DLG2: variants seen among roughly 807,000 people sequenced by gnomAD.
DLG2 encodes the protein disks large homolog 2.
Under a neutral mutation model 132.5 loss-of-function variants are expected in DLG2, and 45 were observed. The ratio of observed to expected loss-of-function variants is 0.34; its 90% CI spans 0.27 to 0.44. DLG2 has a LOEUF of 0.44. Ranked by LOEUF, DLG2 falls within the 20% of genes least tolerant of loss-of-function variation. DLG2 has a pLI of 1.00. For synonymous variants in DLG2, 424 were observed against 419.6 expected, an observed-to-expected ratio of 1.01 and a Z score of -0.13; for missense variants, 1,045 against 1,196.9, an observed-to-expected ratio of 0.87 and a Z score of 1.87.
chr11:84,624,186 T>G (rs1340877853), intron 6 of DLG2, among the ~76,000 whole-genome samples: 1 of 152,200 alleles, frequency 6.6e-6, no homozygotes, highest in Non-Finnish European at 1.5e-5. Context: ...TTTGTTTTTG[T>G]TTTTTCAAAG....
At chr11:85,434,553 C>A (rs1001373702) in intron 3 of DLG2, among the ~76,000 whole-genome samples, 1 of 152,154 alleles carries the variant, frequency 6.6e-6, no homozygotes, top group Non-Finnish European at 1.5e-5. Flanking sequence ...CACCTCTATG[C>A]AAATAAACTA....
At chr11:83,817,614 C>A (rs1193442577) in intron 17 of DLG2, among the ~76,000 whole-genome samples, 4 of 152,102 alleles carry the variant, frequency 2.6e-5, no homozygotes, top group African/African-American at 9.7e-5. Flanking sequence ...GTGGTTCACA[C>A]CTGTGATCCC....
At chr11:85,440,535 A>C (rs1478621716) in intron 3 of DLG2, among the ~76,000 whole-genome samples, 2 of 152,218 alleles carry the variant, frequency 1.3e-5, no homozygotes, top group Admixed American at 6.5e-5. Context: ...TTTAGAGTAC[A>C]GAAGCTTTGC....
At chr11:84,001,724 A>C (rs2094356396) in intron 11 of DLG2, among the ~76,000 whole-genome samples, 1 of 152,174 alleles carries the variant, frequency 6.6e-6, no homozygotes, top group Admixed American at 6.5e-5. Context: ...TTAAAAAATC[A>C]AAATCTTATT....
chr11:85,350,729 T>C (rs2083223364), intron 3 of DLG2, among the ~76,000 whole-genome samples: 1 of 152,124 alleles, frequency 6.6e-6, no homozygotes, highest in East Asian at 1.9e-4. Flanking sequence ...AGATGTGTGG[T>C]ATTATTTCTG....
chr11:85,335,573 T>C (rs1001623184), intron 3 of DLG2, among the ~76,000 whole-genome samples: 8 of 96,502 alleles, frequency 8.3e-5, no homozygotes, highest in African/African-American at 3.3e-4. Context: ...CATGTTTAGC[T>C]CTCCTTTAAG....
chr11:84,101,955 T>C (rs2092561921), intron 9 of DLG2, among the ~76,000 whole-genome samples: 1 of 152,158 alleles, frequency 6.6e-6, no homozygotes, highest in Admixed American at 6.6e-5. Flanking sequence ...CTTCACACTT[T>C]ACCCCCCAGG....
chr11:84,502,578 A>G (rs995971343), intron 7 of DLG2, among the ~76,000 whole-genome samples: 1 of 150,946 alleles, frequency 6.6e-6, no homozygotes, highest in Non-Finnish European at 1.5e-5. Context: ...TGTATTTTTT[A>G]GTAGAGATGG....
In DLG2 at chr11:83,796,677, C is replaced by T. The variant is rs114037388; in HGVS notation, c.1723-9885G>A. Among the ~76,000 whole-genome samples the T allele has an allele frequency of 6.1e-3, 929 of 152,220 alleles. 9 individuals carry two copies. Among genetic ancestry groups the T allele is most frequent in the African/African-American group, 0.022 (906 of 41,518 alleles). On this transcript the variant is annotated intron_variant, in intron 17 of 27. Transcript: ENST00000376104. ...TCAAATATGGCAATATGGATGCTTA[C>T]CCTATGGTTCACTGTACTATCTTTT...
intron 3 of DLG2, among the ~76,000 whole-genome samples, chr11:85,410,817 C>T (rs2089244212): frequency 6.6e-6 from 1 of 151,748 alleles, no homozygotes; most frequent in African/African-American, 2.4e-5. Flanking sequence ...TCTGTATTAA[C>T]AGATTTGCAC....
intron 6 of DLG2, among the ~76,000 whole-genome samples, chr11:84,865,016 G>C (rs2154032046): frequency 6.6e-6 from 1 of 152,234 alleles, no homozygotes; most frequent in South Asian, 2.1e-4. Context: ...CATATACAAA[G>C]AAAAATCTGA....
chr11:83,578,074 A>ATACATATATATATG (rs1269867071), intron 19 of DLG2, among the ~76,000 whole-genome samples: 1 of 105,694 alleles, frequency 9.5e-6, no homozygotes, highest in East Asian at 2.9e-4. Flanking sequence ...ATATATATGT[A>ATACATATATATATG]TACACACACA....
At chr11:83,483,362 A>AAGTC in intron 22 of DLG2, 4 of 1,300,782 alleles carry the variant, frequency 3.1e-6, no homozygotes, top group Non-Finnish European at 4.5e-6. Context: ...AGGAAGGAAG[A>AAGTC]AGTCAGTGGA....
At chr11:84,149,083 T>C (rs936448346) in intron 9 of DLG2, among the ~76,000 whole-genome samples, 1 of 152,178 alleles carries the variant, frequency 6.6e-6, no homozygotes. Context: ...TTTTGGCCTG[T>C]TTATTTGTTT....
intron 6 of DLG2, among the ~76,000 whole-genome samples, chr11:84,576,995 A>T (rs527390360): frequency 6.6e-6 from 1 of 152,140 alleles, no homozygotes; most frequent in Non-Finnish European, 1.5e-5. Context: ...TAATTGAATC[A>T]TGGGGCCAGT....
At chr11:83,606,021 T>TA (rs2059286348) in intron 19 of DLG2, among the ~76,000 whole-genome samples, 1 of 152,234 alleles carries the variant, frequency 6.6e-6, no homozygotes, top group Admixed American at 6.5e-5. Context: ...TACTAGTTGT[T>TA]ATGCTACTTT....
At chr11:83,750,626 A>G (rs1046058287) in intron 18 of DLG2, among the ~76,000 whole-genome samples, 1 of 152,216 alleles carries the variant, frequency 6.6e-6, no homozygotes, top group Non-Finnish European at 1.5e-5. Context: ...CCATGACATT[A>G]TAGATATATG....
Position 83,967,649 on chromosome 11 carries a change from A to T in DLG2, c.1057-2181T>A, listed in dbSNP as rs544488247. On this transcript the variant is annotated intron_variant, in intron 12 of 27. Coordinates refer to ENST00000376104, the MANE Select transcript of DLG2 (RefSeq NM_001142699.3). Reference sequence around the variant, plus strand: ...TTTGGTTATTAACCTATCATCAGATATATGGTTTGCAATTTTTTCCCAATT... The same window carrying T: ...TTTGGTTATTAACCTATCATCAGATTTATGGTTTGCAATTTTTTCCCAATT... Among the ~76,000 whole-genome samples the T allele has an allele frequency of 2.0e-5, 3 of 152,196 alleles. No homozygotes were observed. In the South Asian group the frequency reaches 6.2e-4, roughly 31 times the overall value.
At chr11:84,609,430 G>GA (rs2099591476) in intron 6 of DLG2, among the ~76,000 whole-genome samples, 1 of 152,080 alleles carries the variant, frequency 6.6e-6, no homozygotes, top group Admixed American at 6.6e-5. Context: ...AGTTACAAAA[G>GA]AAGCACCGTA....
Sources: allele counts gnomAD v4.1 joint callset (sites outside exome capture counted in the v4.1 genomes callset), GRCh38; gene constraint gnomAD v4.1.1; transcripts MANE v1.5; gene names NCBI Gene and HGNC (gene_info 2026-07-23, HGNC 2026-07-21).